Variants in SCARB1 observed in about 807,000 individuals in gnomAD.
SCARB1 encodes the protein scavenger receptor class B member 1, also known as CD36 and LIMPII analogous 1.
Under a neutral mutation model 57.2 loss-of-function variants are expected in SCARB1, and 30 were observed. The ratio of observed to expected loss-of-function variants is 0.52; its 90% CI spans 0.39 to 0.71. SCARB1 has a LOEUF of 0.71. Among genes scored for constraint, SCARB1 ranks in the 30% least tolerant of loss-of-function variants. The pLI, the probability that SCARB1 is intolerant of heterozygous loss-of-function variation, is 0.00. For synonymous variants in SCARB1, 249 were observed against 268.3 expected (o/e 0.93, Z 0.70); for missense variants, 543 against 671.2 (o/e 0.81, Z 2.11).
intron 1 of SCARB1, among the ~76,000 whole-genome samples, chr12:124,862,834 C>T (rs1262326098): frequency 1.3e-5 from 2 of 152,200 alleles, no homozygotes; most frequent in Admixed American, 6.5e-5. Flanking sequence ...ACCAGCTGAC[C>T]GCCTAATCTG....
intron 1 of SCARB1, among the ~76,000 whole-genome samples, chr12:124,828,304 C>T (rs918422694): frequency 6.6e-6 from 1 of 152,092 alleles, no homozygotes; most frequent in Non-Finnish European, 1.5e-5. Context: ...CCTAACACCC[C>T]GCTCGCCCAG....
intron 1 of SCARB1, among the ~76,000 whole-genome samples, chr12:124,838,808 G>C (rs151220182): frequency 0.035 from 4,631 of 131,880 alleles, 254 homozygotes; most frequent in African/African-American, 0.12. Flanking sequence ...TGGAGTCTCG[G>C]TCTGTCACCC....
chr12:124,821,456 C>G (rs556195089), intron 1 of SCARB1: 2 of 984,728 alleles, frequency 2.0e-6, no homozygotes, highest in Admixed American at 1.2e-4. Flanking sequence ...TCATGGGATC[C>G]GGCCGCGTGT....
chr12:124,840,184 CATTTTTT>C (rs1951855307), intron 1 of SCARB1, among the ~76,000 whole-genome samples: 1 of 147,514 alleles, frequency 6.8e-6, no homozygotes, highest in Non-Finnish European at 1.5e-5. Flanking sequence ...TGGCTATCTG[CATTTTTT>C]TTTTTTTTAA....
At chr12:124,831,797 G>A (rs1172684908) in intron 1 of SCARB1, among the ~76,000 whole-genome samples, 1 of 152,222 alleles carries the variant, frequency 6.6e-6, no homozygotes, top group Non-Finnish European at 1.5e-5. Flanking sequence ...ATAATGTGCT[G>A]GGAACAGCCC....
intron 1 of SCARB1, among the ~76,000 whole-genome samples, chr12:124,831,961 C>G (rs919436453): frequency 1.3e-5 from 2 of 152,084 alleles, no homozygotes; most frequent in Non-Finnish European, 2.9e-5. Flanking sequence ...AGTCTGAGAA[C>G]CCACAGAGAC....
Position 124,817,274 on chromosome 12 carries a change from C to T in SCARB1, c.284+276G>A, listed in dbSNP as rs568180334. ...GTGATTCGCACCTGTAATCCCAGCA[C>T]TTTGAGAGGCTGAGGCGGAGGATCG... is the stretch of plus-strand genomic sequence containing the variant. On this transcript the variant is annotated intron_variant, in intron 2 of 12. Coordinates refer to ENST00000261693, the MANE Select transcript of SCARB1 (RefSeq NM_005505.5). This position sits in a 1 kb window ranked among gnomAD's most constrained non-coding sequence, Gnocchi z 4.8. Among the ~76,000 whole-genome samples, 1 of 142,676 alleles carries T rather than the reference C, an allele frequency of 7.0e-6. No individual in the cohort carries two copies. The highest frequency in any genetic ancestry group is 2.6e-5 in the African/African-American group (1 of 38,716). 93.6% of individuals were successfully genotyped at this position (142,676 alleles called of 152,430 possible).
Position 124,789,963 on chromosome 12 carries a change from A to G in SCARB1, c.1203-2506T>C, listed in dbSNP as rs994053815. On this transcript the variant is annotated intron_variant, in intron 9 of 12. Coordinates refer to ENST00000261693, the MANE Select transcript of SCARB1 (RefSeq NM_005505.5). The surrounding 1 kb of genome is among the most constrained non-coding windows in gnomAD (Gnocchi z 4.4). ...GAGTCAGAGGTTGCAGTGAGCGGAGATCATGCCATTGCACTCCAGCCTGGC... is the reference window on the plus strand; with the variant it reads ...GAGTCAGAGGTTGCAGTGAGCGGAGGTCATGCCATTGCACTCCAGCCTGGC... 6.9e-6 allele frequency among the ~76,000 whole-genome samples: 1 copy of G among 145,390 alleles called. No individual in the cohort carries two copies. The highest frequency in any genetic ancestry group is 2.2e-4 in the South Asian group (1 of 4,646).
At chr12:124,786,034 GAACCTGGCA>G in intron 11 of SCARB1, 1 of 1,497,388 alleles carries the variant, frequency 6.7e-7, no homozygotes, top group Non-Finnish European at 8.9e-7. Flanking sequence ...GCCCCTAACA[GAACCTGGCA>G]TCCCCGGGTG....
At chr12:124,839,367 G>T (rs563915832) in intron 1 of SCARB1, 3 of 438,464 alleles carry the variant, frequency 6.8e-6, no homozygotes, top group East Asian at 7.1e-5. Context: ...CGTGCATGTC[G>T]CAGCGTGCGT....
Position 124,778,460 on chromosome 12 carries a change from G to T in SCARB1, c.*127C>A. 1 of 1,331,328 alleles carries T rather than the reference G, an allele frequency of 7.5e-7. No homozygotes were observed. The highest frequency in any genetic ancestry group is 3.1e-5 in the East Asian group (1 of 32,784). 82.5% of individuals were successfully genotyped at this position (1,331,328 alleles called of 1,614,324 possible). A position where few individuals can be genotyped will look rare whatever the true frequency, so the allele number is the denominator to read the frequency against. On this transcript the variant is annotated 3_prime_UTR_variant, in exon 13 of 13. Transcript: ENST00000261693. ...GGTGTGCAACAGGCACATGGCAGCT[G>T]GGAGGCTCAGGCTGTGGGGCTGGGG...
chr12:124,788,424 G>A (rs758266063), intron 9 of SCARB1, among the ~76,000 whole-genome samples: 1 of 152,238 alleles, frequency 6.6e-6, no homozygotes, highest in Non-Finnish European at 1.5e-5. Flanking sequence ...TCGCAGAAGC[G>A]TTACGTGGGA....
intron 6 of SCARB1, among the ~76,000 whole-genome samples, chr12:124,808,620 C>T (rs1029214738): frequency 3.5e-4 from 54 of 152,308 alleles, no homozygotes; most frequent in African/African-American, 9.1e-4. Flanking sequence ...GTGGCAGCAC[C>T]GTCCCCCACA....
In SCARB1 at chr12:124,778,530, G is replaced by T; in HGVS notation, c.*57C>A. The stretch of plus-strand genomic sequence containing the variant: ...CCGGGAGAAGCGGGGTGTAGGGGCT[G>T]GGGGGCCGGTCAGGCCCAGCGGCCA... On this transcript the variant is annotated 3_prime_UTR_variant, in exon 13 of 13. Coordinates refer to ENST00000261693, the MANE Select transcript of SCARB1 (RefSeq NM_005505.5). 1 of 1,372,958 alleles carries T rather than the reference G, an allele frequency of 7.3e-7. No homozygotes were observed. Among genetic ancestry groups the T allele is most frequent in the Non-Finnish European group, 9.4e-7 (1 of 1,061,934 alleles). 85.0% of individuals were successfully genotyped at this position (1,372,958 alleles called of 1,614,324 possible).
At chr12:124,783,915 C>G (rs1188798956) in intron 11 of SCARB1, 1 of 152,234 alleles carries the variant, frequency 6.6e-6, no homozygotes, top group Non-Finnish European at 1.5e-5. Flanking sequence ...AGCCACACTG[C>G]CGATCGTAGC....
chr12:124,828,053 G>A (rs1197709164), intron 1 of SCARB1, among the ~76,000 whole-genome samples: 3 of 152,028 alleles, frequency 2.0e-5, no homozygotes, highest in African/African-American at 2.4e-5. Context: ...TATAATCAAC[G>A]TGGAAATGTC....
At chr12:124,862,398 A>C (rs1032527761) in intron 1 of SCARB1, 16 of 152,136 alleles carry the variant, frequency 1.1e-4, no homozygotes, top group African/African-American at 3.6e-4. Flanking sequence ...CTTGAGAGAG[A>C]CCATATGTTG....
At position 124,810,864 on chromosome 12, in the gene SCARB1, G is replaced by T. The variant is rs1347199631; in HGVS notation, c.727-575C>A. On this transcript the variant is annotated intron_variant, in intron 5 of 12. Coordinates refer to ENST00000261693, the MANE Select transcript of SCARB1 (RefSeq NM_005505.5). The surrounding 1 kb of genome is among the most constrained non-coding windows in gnomAD (Gnocchi z 4.0). Reference sequence around the variant, plus strand: ...GGAATATACAAGCCACAATGAATGTGAACTCCATCTATCGTGAATGGCTAC... The same window carrying T: ...GGAATATACAAGCCACAATGAATGTTAACTCCATCTATCGTGAATGGCTAC... Among the ~76,000 whole-genome samples the T allele has an allele frequency of 1.3e-5, 2 of 152,176 alleles. No homozygotes were observed.
intron 8 of SCARB1, among the ~76,000 whole-genome samples, chr12:124,797,101 C>T (rs1329041360): frequency 6.6e-6 from 1 of 152,172 alleles, no homozygotes; most frequent in Non-Finnish European, 1.5e-5. Flanking sequence ...TTCTAATGAG[C>T]TTCCCTGCTA....
Sources: allele counts gnomAD v4.1 joint callset (sites outside exome capture counted in the v4.1 genomes callset), GRCh38; gene constraint gnomAD v4.1.1; non-coding constraint Gnocchi (gnomAD v3.1); transcripts MANE v1.5; gene names NCBI Gene and HGNC (gene_info 2026-07-23, HGNC 2026-07-21).